The following MEF2A variants were observed in gnomAD, a reference collection of about 807,000 sequenced individuals.
The protein encoded by MEF2A is myocyte-specific enhancer factor 2A.
In MEF2A, 28 loss-of-function variants were observed where a neutral mutation model predicts 55.8. The ratio of observed to expected loss-of-function variants is 0.50; its 90% CI spans 0.37 to 0.69. MEF2A has a LOEUF of 0.69. Ranked by LOEUF, MEF2A falls within the 30% of genes least tolerant of loss-of-function variation. The probability of loss-of-function intolerance (pLI) is 0.00; values close to 1 mark genes in which losing one functional copy is unlikely to be tolerated. For missense variants in MEF2A, 528 were observed against 626.2 expected (o/e 0.84, Z 1.67); for synonymous variants, 239 against 227.1 (o/e 1.05, Z -0.47).
intron 3 of MEF2A, among the ~76,000 whole-genome samples, chr15:99,637,624 C>T (rs774076371): frequency 2.6e-5 from 4 of 151,988 alleles, no homozygotes; most frequent in Non-Finnish European, 4.4e-5. Context: ...TCCCAGCCAA[C>T]ACTTGTTATT....
intron 7 of MEF2A, among the ~76,000 whole-genome samples, chr15:99,687,285 G>A (rs572573835): frequency 7.2e-5 from 11 of 151,948 alleles, no homozygotes; most frequent in Admixed American, 2.6e-4. Context: ...TTATTAGGAC[G>A]AATTTTAGAC....
Position 99,710,679 on chromosome 15 carries a change from A to G in MEF2A, c.1055A>G (p.Asn352Ser), listed in dbSNP as rs778416281. 6.6e-5 allele frequency: 106 copies of G among 1,613,546 alleles called. No homozygotes were observed. Among genetic ancestry groups the G allele is most frequent in the Non-Finnish European group, 8.4e-5 (99 of 1,179,586 alleles). ...GACCTGTCAGCCCTTCAAGGCTTCA[A>G]CTCGCCAGGAATGCTGTCGCTGGGA... ...SADLSALQGFNSPGMLSLGQV... is the reference protein window; with the variant it reads ...SADLSALQGFSSPGMLSLGQV... Residue 352 changes from asparagine (N) to serine (S), a missense_variant, in exon 11 of 12, where the codon AAC (asparagine) becomes AGC (serine). By Grantham distance (46) the Asn-to-Ser change is conservative. Around this residue, in one of 2 missense-constraint regions of MEF2A, gnomAD observed 450 missense variants for 475.3 expected, o/e 0.95. Transcript: ENST00000557942.
intron 1 of MEF2A, among the ~76,000 whole-genome samples, chr15:99,581,942 T>C (rs781547323): frequency 2.0e-5 from 3 of 152,024 alleles, no homozygotes; most frequent in Non-Finnish European, 4.4e-5. Flanking sequence ...AAAGAAGAGC[T>C]GCTTGTTGGA....
intron 2 of MEF2A, among the ~76,000 whole-genome samples, chr15:99,610,437 G>A (rs868431438): frequency 6.1e-4 from 8 of 13,034 alleles, no homozygotes; most frequent in African/African-American, 1.6e-3. Flanking sequence ...ACCCCCCCCC[G>A]AAATTGACAA....
intron 2 of MEF2A, among the ~76,000 whole-genome samples, chr15:99,624,706 A>T (rs2041790660): frequency 6.6e-6 from 1 of 152,176 alleles, no homozygotes; most frequent in Non-Finnish European, 1.5e-5. Context: ...TTTCTGCAAA[A>T]ATACCATTGG....
intron 4 of MEF2A, among the ~76,000 whole-genome samples, chr15:99,650,212 C>T (rs567180214): frequency 1.3e-5 from 2 of 152,244 alleles, no homozygotes; most frequent in Admixed American, 6.5e-5. Flanking sequence ...AAATGACTTG[C>T]CCAGAGTCAT....
chr15:99,710,508 G>T, intron 10 of MEF2A, 126 bp from the exon 11 acceptor site: 1 of 1,232,258 alleles, frequency 8.1e-7, no homozygotes, highest in Non-Finnish European at 1.1e-6. Context: ...CTCCCAAAGT[G>T]CTGGGATTAC....
At chr15:99,665,475 A>G (rs961132842) in intron 4 of MEF2A, among the ~76,000 whole-genome samples, 3 of 152,162 alleles carry the variant, frequency 2.0e-5, no homozygotes, top group Non-Finnish European at 4.4e-5. Context: ...AAGCCATAAA[A>G]ACTCTAGAAG....
At chr15:99,688,391 C>A (rs996440350) in intron 7 of MEF2A, among the ~76,000 whole-genome samples, 5 of 152,192 alleles carry the variant, frequency 3.3e-5, no homozygotes, top group Admixed American at 6.5e-5. Context: ...GATTTTACAT[C>A]ATTTGTTTGC....
rs541318220 is a variant in MEF2A at position 99,715,164 on chromosome 15, C to T, written c.*2393C>T. On this transcript the variant is annotated 3_prime_UTR_variant, in exon 12 of 12. Transcript: ENST00000557942. ...AGACAGTCTCCCAACACTGAAGTTC[C>T]AAAATAATCCTTACCACTTTGTAAA... The T allele has an allele frequency of 6.6e-6, 1 of 152,302 alleles. No homozygotes were observed. Among genetic ancestry groups the T allele is most frequent in the East Asian group, 1.9e-4 (1 of 5,186 alleles). 9.4% of individuals were successfully genotyped at this position (152,302 alleles called of 1,614,324 possible).
chr15:99,578,083 A>T (rs1752337647), intron 1 of MEF2A, among the ~76,000 whole-genome samples: 1 of 152,176 alleles, frequency 6.6e-6, no homozygotes, highest in South Asian at 2.1e-4. Context: ...CTTTGAGATT[A>T]TGCTAATTTC....
At chr15:99,695,859 CAAAAAAAAAA>C (rs55908002) in intron 8 of MEF2A, among the ~76,000 whole-genome samples, 2 of 135,310 alleles carry the variant, frequency 1.5e-5, no homozygotes, top group Admixed American at 1.4e-4. Flanking sequence ...AACTCCGTCT[CAAAAAAAAAA>C]AAAAGAAAAA....
At chr15:99,660,090 A>G (rs1057444501) in intron 4 of MEF2A, among the ~76,000 whole-genome samples, 3 of 152,220 alleles carry the variant, frequency 2.0e-5, no homozygotes, top group African/African-American at 7.2e-5. Flanking sequence ...AAAACCAGCT[A>G]GGAGAGTTGC....
chr15:99,703,983 G>A (rs968061767), intron 9 of MEF2A, among the ~76,000 whole-genome samples: 3 of 152,094 alleles, frequency 2.0e-5, no homozygotes, highest in East Asian at 3.9e-4. Flanking sequence ...CAAAACAAAC[G>A]TTTTCTGTTG....
intron 8 of MEF2A, among the ~76,000 whole-genome samples, chr15:99,691,605 G>A (rs2055472801): frequency 6.6e-6 from 1 of 152,088 alleles, no homozygotes; most frequent in African/African-American, 2.4e-5. Flanking sequence ...GGCTGAGGCA[G>A]GAGAATCGTT....
intron 8 of MEF2A, among the ~76,000 whole-genome samples, chr15:99,695,376 A>G (rs1228148029): frequency 6.6e-6 from 1 of 152,222 alleles, no homozygotes; most frequent in Admixed American, 6.5e-5. Context: ...AGTATAAATA[A>G]GTCAGTAGAA....
chr15:99,590,637 T>C (rs1036961655), intron 1 of MEF2A, among the ~76,000 whole-genome samples: 1 of 151,932 alleles, frequency 6.6e-6, no homozygotes, highest in Admixed American at 6.6e-5. Context: ...ACTTTCTTGG[T>C]TGATTAGTTT....
At chr15:99,590,856 A>G (rs1969035170) in intron 1 of MEF2A, among the ~76,000 whole-genome samples, 1 of 152,106 alleles carries the variant, frequency 6.6e-6, no homozygotes, top group African/African-American at 2.4e-5. Context: ...AGATAATCAA[A>G]TATCTTCTTA....
chr15:99,690,336 C>G lies in MEF2A; in HGVS notation c.766C>G (p.Pro256Ala), dbSNP rs1201466862. The G allele has an allele frequency of 1.2e-6, 2 of 1,613,602 alleles. No individual in the cohort carries two copies. Among genetic ancestry groups the G allele is most frequent in the Admixed American group, 3.3e-5 (2 of 59,988 alleles). Reference protein sequence around the residue: ...GKVMPTKSPPPPGGGNLGMNS... With the variant: ...GKVMPTKSPPAPGGGNLGMNS... ...AGTCATGCCTACAAAGTCTCCCCCT[C>G]CACCAGGTGGTGGTAATCTTGGAAT... is the stretch of plus-strand genomic sequence containing the variant. The change falls in exon 8 of 12, where the codon CCA becomes GCA. Residue 256 changes from proline to alanine, a missense_variant. Pro to Ala is a conservative substitution (Grantham distance 27). Coordinates refer to ENST00000557942, the MANE Select transcript of MEF2A (RefSeq NM_001319206.4).
Sources: gnomAD v4.1 joint callset for allele counts (sites outside exome capture counted in the v4.1 genomes callset) on GRCh38, gnomAD v4.1.1 for gene constraint, gnomAD v4.1.1 regional missense constraint, MANE v1.5 for transcripts, NCBI Gene and HGNC (gene_info 2026-07-23, HGNC 2026-07-21) for gene names.